Variants in SHC4 observed in about 807,000 individuals in gnomAD.
SHC4 encodes the protein SHC-transforming protein 4.
A neutral mutation model predicts 69.4 loss-of-function variants in SHC4; 41 were observed. The ratio of observed to expected loss-of-function variants is 0.59; its 90% CI spans 0.46 to 0.77. The LOEUF is 0.77. SHC4 is among the 30% of genes least tolerant of loss of function. The pLI, the probability that SHC4 is intolerant of heterozygous loss-of-function variation, is 0.00. For synonymous variants in SHC4, 318 were observed against 299.3 expected (o/e 1.06, Z -0.64); for missense variants, 777 against 783.8 (o/e 0.99, Z 0.10).
intron 10 of SHC4, among the ~76,000 whole-genome samples, chr15:48,835,307 G>A (rs1275895084): frequency 6.6e-6 from 1 of 152,164 alleles, no homozygotes; most frequent in Non-Finnish European, 1.5e-5. Context: ...CATGAGAACA[G>A]CTTTTATAAC....
intron 1 of SHC4, among the ~76,000 whole-genome samples, chr15:48,937,168 A>G (rs1239724043): frequency 1.3e-5 from 2 of 152,226 alleles, no homozygotes; most frequent in East Asian, 3.9e-4. Context: ...CAAAAGTATT[A>G]TATCATTTGA....
intron 1 of SHC4, among the ~76,000 whole-genome samples, chr15:48,934,380 G>A (rs1341760992): frequency 6.6e-6 from 1 of 152,130 alleles, no homozygotes; most frequent in Non-Finnish European, 1.5e-5. Context: ...CAAAGCCACA[G>A]TGAGGTACAA....
intron 1 of SHC4, among the ~76,000 whole-genome samples, chr15:48,925,584 G>T (rs1318362628): frequency 6.6e-6 from 1 of 152,178 alleles, no homozygotes; most frequent in Non-Finnish European, 1.5e-5. Flanking sequence ...GTTCTTGACA[G>T]GACAAAAGTC....
At position 48,835,035 on chromosome 15, in the gene SHC4, C is replaced by A. The variant is rs1293270724; in HGVS notation, c.1484-13G>T. ...GTTTCTGGTGCCTCTGAAGTCAGAA[C>A]ACAAAGAGAGACATCATCGAGTTAC... On this transcript the variant is annotated splice_polypyrimidine_tract_variant and intron_variant, in intron 10 of 11. Coordinates refer to ENST00000332408, the MANE Select transcript of SHC4 (RefSeq NM_203349.4). The A allele has an allele frequency of 4.4e-6, 7 of 1,602,762 alleles. No homozygotes were observed. The highest frequency in any genetic ancestry group is 6.0e-6 in the Non-Finnish European group (7 of 1,174,322).
chr15:48,829,532 T>G (rs1403848048), intron 11 of SHC4, among the ~76,000 whole-genome samples: 1 of 152,246 alleles, frequency 6.6e-6, no homozygotes, highest in Non-Finnish European at 1.5e-5. Flanking sequence ...TTGTCCGATA[T>G]AAGTATGGCC....
intron 10 of SHC4, among the ~76,000 whole-genome samples, chr15:48,841,940 G>C (rs963549027): frequency 6.6e-6 from 1 of 152,164 alleles, no homozygotes; most frequent in East Asian, 1.9e-4. Flanking sequence ...TTTAAATTTT[G>C]TCTTGCATTG....
At chr15:48,949,467 C>T (rs1042049103) in intron 1 of SHC4, among the ~76,000 whole-genome samples, 4 of 151,996 alleles carry the variant, frequency 2.6e-5, no homozygotes, top group African/African-American at 7.2e-5. Flanking sequence ...ACATCATTGC[C>T]TGTATCAAGA....
chr15:48,904,190 T>C (rs1176125286), intron 2 of SHC4, among the ~76,000 whole-genome samples: 3 of 152,182 alleles, frequency 2.0e-5, no homozygotes, highest in African/African-American at 7.2e-5. Context: ...ATTATTCCAC[T>C]TTGGTTGACC....
chr15:48,843,670 T>G (rs572363369), intron 9 of SHC4, 82 bp from the exon 10 acceptor site: 1 of 1,362,924 alleles, frequency 7.3e-7, no homozygotes, highest in African/African-American at 1.5e-5. Flanking sequence ...CTAGAATTGA[T>G]AGAAACCTAA....
chr15:48,859,912 A>G (rs190229458), intron 6 of SHC4, among the ~76,000 whole-genome samples: 51 of 152,254 alleles, frequency 3.3e-4, no homozygotes, highest in African/African-American at 1.2e-3. Flanking sequence ...CTAGTCCCAG[A>G]TACTTGGGAG....
At chr15:48,915,337 T>C (rs1006282296) in intron 2 of SHC4, among the ~76,000 whole-genome samples, 2 of 152,198 alleles carry the variant, frequency 1.3e-5, no homozygotes, top group African/African-American at 4.8e-5. Flanking sequence ...TCCCAATTGA[T>C]TGGAATTTTT....
chr15:48,904,028 G>A (rs890371097), intron 2 of SHC4, among the ~76,000 whole-genome samples: 1 of 152,152 alleles, frequency 6.6e-6, no homozygotes, highest in African/African-American at 2.4e-5. Context: ...GGACATTAAA[G>A]TATCTTTTCC....
At chr15:48,897,533 C>G in intron 2 of SHC4, among the ~76,000 whole-genome samples, 1 of 146,298 alleles carries the variant, frequency 6.8e-6, no homozygotes, top group South Asian at 2.2e-4. Flanking sequence ...CACACACACA[C>G]GCACACACTT....
chr15:48,933,681 C>T (rs916266779), intron 1 of SHC4, among the ~76,000 whole-genome samples: 9 of 152,172 alleles, frequency 5.9e-5, no homozygotes, highest in Admixed American at 1.3e-4. Flanking sequence ...TTAGAGAATC[C>T]GCATGTCCCA....
chr15:48,838,202 A>C (rs1040203123), intron 10 of SHC4, among the ~76,000 whole-genome samples: 1 of 152,238 alleles, frequency 6.6e-6, no homozygotes, highest in East Asian at 1.9e-4. Flanking sequence ...CAAGGGGATT[A>C]TTATAACTGA....
At chr15:48,887,180 C>G (rs1440663306) in intron 3 of SHC4, among the ~76,000 whole-genome samples, 1 of 152,174 alleles carries the variant, frequency 6.6e-6, no homozygotes, top group African/African-American at 2.4e-5. Flanking sequence ...GATGCAGTAT[C>G]TAACAGATCT....
At chr15:48,861,836 T>C (rs141166106) in intron 6 of SHC4, among the ~76,000 whole-genome samples, 57 of 152,350 alleles carry the variant, frequency 3.7e-4, no homozygotes, top group African/African-American at 1.1e-3. Context: ...TATTTGGTTA[T>C]TGAATTAGGT....
intron 1 of SHC4, among the ~76,000 whole-genome samples, chr15:48,954,902 C>T (rs1901419146): frequency 6.6e-6 from 1 of 152,184 alleles, no homozygotes; most frequent in African/African-American, 2.4e-5. Context: ...TATGAGAAGG[C>T]TTATCAAGTT....
chr15:48,860,271 T>C (rs1206569435), intron 6 of SHC4, among the ~76,000 whole-genome samples: 1 of 152,150 alleles, frequency 6.6e-6, no homozygotes, highest in East Asian at 1.9e-4. Flanking sequence ...CCCAGTACTT[T>C]GGGAGGCTGA....
Sources: gnomAD v4.1 joint callset for allele counts (sites outside exome capture counted in the v4.1 genomes callset) on GRCh38, gnomAD v4.1.1 for gene constraint, MANE v1.5 for transcripts, NCBI Gene and HGNC (gene_info 2026-07-23, HGNC 2026-07-21) for gene names.